Variants in AOPEP observed in about 807,000 individuals in gnomAD.
AOPEP encodes aminopeptidase O (putative).
A neutral mutation model predicts 98.1 loss-of-function variants in AOPEP; 77 were observed. The ratio of observed to expected loss-of-function variants is 0.78; its 90% CI spans 0.65 to 0.95. AOPEP has a LOEUF of 0.95. Among genes scored for constraint, AOPEP ranks in the 40% least tolerant of loss-of-function variants. The pLI is 0.00. For missense variants in AOPEP, 1,024 were observed against 1,024.7 expected, an observed-to-expected ratio of 1.00 and a Z score of 0.01; for synonymous variants, 346 against 365.3, an observed-to-expected ratio of 0.95 and a Z score of 0.60.
intron 11 of AOPEP, among the ~76,000 whole-genome samples, chr9:95,000,440 G>C (rs1419768213): frequency 1.3e-5 from 2 of 152,156 alleles, no homozygotes; most frequent in Non-Finnish European, 2.9e-5. Flanking sequence ...GGTCACGGTG[G>C]CTCACGTCTG....
At chr9:94,993,636 A>T (rs2061033341) in intron 11 of AOPEP, among the ~76,000 whole-genome samples, 1 of 152,206 alleles carries the variant, frequency 6.6e-6, no homozygotes, top group Non-Finnish European at 1.5e-5. Context: ...CATGCTAAAA[A>T]TATTTTCCTT....
At chr9:94,867,548 A>G (rs1161024097) in intron 5 of AOPEP, among the ~76,000 whole-genome samples, 1 of 152,238 alleles carries the variant, frequency 6.6e-6, no homozygotes, top group Non-Finnish European at 1.5e-5. Context: ...AATGTACATT[A>G]AAACAGTGAT....
chr9:94,856,124 A>C (rs2044179036), intron 5 of AOPEP, among the ~76,000 whole-genome samples: 1 of 152,318 alleles, frequency 6.6e-6, no homozygotes, highest in African/African-American at 2.4e-5. Context: ...AATGGCTGGG[A>C]ATGTGCCATG....
chr9:95,081,373 G>A lies in AOPEP; in HGVS notation c.2319+593G>A, dbSNP rs543609977. On this transcript the variant is annotated intron_variant, in intron 15 of 16. Transcript: ENST00000375315. Reference sequence around the variant, plus strand: ...CACCAACAGGTGTGTCCTGTAACACGTCACAGCCTCCCACGCCTTCCCCAT... The same window carrying A: ...CACCAACAGGTGTGTCCTGTAACACATCACAGCCTCCCACGCCTTCCCCAT... Among the ~76,000 whole-genome samples, 45 of 152,298 alleles carry A rather than the reference G, an allele frequency of 3.0e-4. No individual in the cohort carries two copies. The South Asian group carries it at 8.7e-3, about 29-fold the overall frequency.
At chr9:94,728,431 A>G (rs1829772425) in intron 1 of AOPEP, among the ~76,000 whole-genome samples, 1 of 152,230 alleles carries the variant, frequency 6.6e-6, no homozygotes, top group East Asian at 1.9e-4. Flanking sequence ...AATTTTAAAA[A>G]TGTACTACAC....
chr9:94,799,202 T>C (rs946500127), intron 4 of AOPEP, among the ~76,000 whole-genome samples: 8 of 152,194 alleles, frequency 5.3e-5, no homozygotes, highest in African/African-American at 1.7e-4. Context: ...TCTGCCCATA[T>C]TGGGACATGC....
chr9:94,826,406 C>G (rs1854566734), intron 5 of AOPEP, among the ~76,000 whole-genome samples: 1 of 152,166 alleles, frequency 6.6e-6, no homozygotes, highest in South Asian at 2.1e-4. Flanking sequence ...TAATAGAGAC[C>G]CACTGGGGGG....
chr9:95,117,537 A>C, the AOPEP span: 3 of 702,244 alleles, frequency 4.3e-6, no homozygotes, highest in South Asian at 4.7e-5. Flanking sequence ...TTTTTTGAAA[A>C]ATAAGCTCCC....
At chr9:94,932,106 A>G (rs1319250578) in intron 7 of AOPEP, 9 of 1,047,456 alleles carry the variant, frequency 8.6e-6, no homozygotes, top group Non-Finnish European at 1.0e-5. Flanking sequence ...TCCTGTCTTC[A>G]GGGAACTGAG....
chr9:94,857,332 ATGT>A (rs2044349832), intron 5 of AOPEP, among the ~76,000 whole-genome samples: 1 of 152,146 alleles, frequency 6.6e-6, no homozygotes. Context: ...CACCTCATGT[ATGT>A]TCATCTTAAA....
intron 5 of AOPEP, among the ~76,000 whole-genome samples, chr9:94,906,485 A>AAT (rs1488133280): frequency 3.0e-4 from 16 of 53,818 alleles, no homozygotes; most frequent in African/African-American, 7.2e-4. Context: ...ATAATAATAA[A>AAT]AAAACAGACC....
At chr9:95,109,374 A>G in the AOPEP span, among the ~76,000 whole-genome samples, 3 of 152,106 alleles carry the variant, frequency 2.0e-5, no homozygotes, top group Non-Finnish European at 2.9e-5. Flanking sequence ...AAGCCTTTGC[A>G]TGGATCTCTA....
chr9:95,014,427 G>A (rs1431425230), intron 13 of AOPEP, among the ~76,000 whole-genome samples: 1 of 151,920 alleles, frequency 6.6e-6, no homozygotes, highest in African/African-American at 2.4e-5. Context: ...AGCCTAGATC[G>A]TGCCACTGCC....
At chr9:94,913,946 G>A (rs938000329) in intron 5 of AOPEP, among the ~76,000 whole-genome samples, 1 of 152,218 alleles carries the variant, frequency 6.6e-6, no homozygotes, top group African/African-American at 2.4e-5. Context: ...TATGGAATTT[G>A]TCTGATCAAC....
chr9:94,760,206 T>C lies in AOPEP; in HGVS notation c.423T>C (p.Asp141=), dbSNP rs1366455368. The C allele has an allele frequency of 3.1e-6, 5 of 1,614,018 alleles. No individual in the cohort carries two copies. Among genetic ancestry groups the C allele is most frequent in the African/African-American group, 2.7e-5 (2 of 74,904 alleles). The change falls in exon 2 of 17, where the codon GAT becomes GAC. Residue 141 remains aspartate (D), a synonymous_variant. Transcript: ENST00000375315. ...ACACAGGGAATCATGGGAGTGAGGA[T>C]TTTTTGCTAGTGTTGGACTGCTGTG... ...CCDTGNHGSE[D]FLLVLDCCDL...
intron 1 of AOPEP, among the ~76,000 whole-genome samples, chr9:94,731,677 CTGATTA>C (rs957177442): frequency 6.1e-4 from 92 of 150,808 alleles, no homozygotes; most frequent in African/African-American, 2.1e-3. Context: ...ATTTGGGCAT[CTGATTA>C]TAAAGTCTCT....
In AOPEP at chr9:94,800,739, A is replaced by C; in HGVS notation, c.1119-18A>C. The C allele has an allele frequency of 6.2e-7, 1 of 1,612,324 alleles. No individual in the cohort carries two copies. Among genetic ancestry groups the C allele is most frequent in the Non-Finnish European group, 8.5e-7 (1 of 1,178,458 alleles). ...GAATAATAAACATGTTTTACCATTT[A>C]TTTTGTGTTATTCCCAGGCATGTTG... On this transcript the variant is annotated intron_variant, in intron 4 of 16. Coordinates refer to ENST00000375315, the MANE Select transcript of AOPEP (RefSeq NM_001193329.3).
chr9:95,099,056 A>G, the AOPEP span: 6 of 184,926 alleles, frequency 3.2e-5, no homozygotes, highest in Admixed American at 3.7e-4. Flanking sequence ...ATACAACATT[A>G]GGTGCAAACT....
intron 2 of AOPEP, among the ~76,000 whole-genome samples, chr9:94,771,201 A>T (rs546038939): frequency 1.3e-5 from 2 of 152,276 alleles, no homozygotes; most frequent in East Asian, 3.9e-4. Flanking sequence ...TCTTTTGGGG[A>T]GGATTTCTTC....
Sources: gnomAD v4.1 joint callset for allele counts (sites outside exome capture counted in the v4.1 genomes callset) on GRCh38, gnomAD v4.1.1 for gene constraint, MANE v1.5 for transcripts, NCBI Gene and HGNC (gene_info 2026-07-23, HGNC 2026-07-21) for gene names.